Variants in KCND2 observed in about 807,000 individuals in gnomAD.
KCND2 encodes the protein potassium voltage-gated channel subfamily D member 2.
Under a neutral mutation model 54.4 loss-of-function variants are expected in KCND2, and 16 were observed. The observed-to-expected ratio is 0.29, with a 90% CI of 0.20 to 0.45. The LOEUF is 0.45. Among genes scored for constraint, KCND2 ranks in the 20% least tolerant of loss-of-function variants. KCND2 has a pLI of 1.00. For missense variants in KCND2, 486 were observed against 824.2 expected (o/e 0.59, Z 5.02); for synonymous variants, 317 against 310.7 (o/e 1.02, Z -0.21).
At chr7:120,540,721 A>G (rs756341690) in intron 1 of KCND2, among the ~76,000 whole-genome samples, 1 of 152,172 alleles carries the variant, frequency 6.6e-6, no homozygotes, top group Non-Finnish European at 1.5e-5. Flanking sequence ...TCCAACCGCT[A>G]TAATGGATAA....
chr7:120,310,513 A>G (rs1384895028), intron 1 of KCND2, among the ~76,000 whole-genome samples: 1 of 152,212 alleles, frequency 6.6e-6, no homozygotes, highest in Non-Finnish European at 1.5e-5. Flanking sequence ...ATGCAGAATA[A>G]TATATTCAGA....
At chr7:120,511,593 A>G (rs1217590703) in intron 1 of KCND2, among the ~76,000 whole-genome samples, 2 of 152,168 alleles carry the variant, frequency 1.3e-5, no homozygotes, top group African/African-American at 4.8e-5. Context: ...CATAATTTGA[A>G]TACAGTAAAT....
chr7:120,713,325 G>A (rs1011621467), intron 1 of KCND2, among the ~76,000 whole-genome samples: 1 of 152,122 alleles, frequency 6.6e-6, no homozygotes, highest in Non-Finnish European at 1.5e-5. Flanking sequence ...GAACTGGGAA[G>A]TAGGAAGTGA....
intron 1 of KCND2, among the ~76,000 whole-genome samples, chr7:120,586,017 C>T (rs1002526328): frequency 1.3e-5 from 2 of 152,148 alleles, no homozygotes; most frequent in Non-Finnish European, 2.9e-5. Context: ...AGCTCATTCT[C>T]ATAATCCTTT....
intron 1 of KCND2, among the ~76,000 whole-genome samples, chr7:120,523,710 G>GAC (rs1289581305): frequency 1.7e-4 from 19 of 110,644 alleles, no homozygotes; most frequent in African/African-American, 7.4e-4. Flanking sequence ...CACTCTGTGT[G>GAC]TGTGTGTGTG....
chr7:120,274,489 C>G lies in KCND2; in HGVS notation c.-144C>G. 2 of 874,678 alleles carry G rather than the reference C, an allele frequency of 2.3e-6. No individual in the cohort carries two copies. Among genetic ancestry groups the G allele is most frequent in the South Asian group, 2.9e-5 (2 of 68,172 alleles). The allele number at this position is 874,678 out of a possible 1,614,324, so 54.2% of individuals were successfully genotyped here. A position where few individuals can be genotyped will look rare whatever the true frequency, so the allele number is the denominator to read the frequency against. On this transcript the variant is annotated 5_prime_UTR_variant, in exon 1 of 6. Coordinates refer to ENST00000331113, the MANE Select transcript of KCND2 (RefSeq NM_012281.3). ...CTGAGAACTGTGACTTTACCAGGAG[C>G]CCTATCTTGGAATAAGAGTTACACC...
chr7:120,506,562 C>G (rs1803022646), intron 1 of KCND2, among the ~76,000 whole-genome samples: 2 of 151,770 alleles, frequency 1.3e-5, no homozygotes, highest in East Asian at 1.9e-4. Flanking sequence ...TTCATTAGAC[C>G]AAACTTACAA....
chr7:120,694,609 C>A (rs1255175416), intron 1 of KCND2, among the ~76,000 whole-genome samples: 1 of 152,062 alleles, frequency 6.6e-6, no homozygotes, highest in African/African-American at 2.4e-5. Context: ...GAAATGACTA[C>A]ATCTAAAAGG....
chr7:120,563,768 C>T (rs1792264285), intron 1 of KCND2, among the ~76,000 whole-genome samples: 2 of 152,150 alleles, frequency 1.3e-5, no homozygotes, highest in Admixed American at 1.3e-4. Context: ...ACCCTATCCC[C>T]ATCTTGCCAA....
At position 120,505,619 on chromosome 7, in the gene KCND2, C is replaced by A. The variant is rs1395226478; in HGVS notation, c.1116-227284C>A. Reference sequence around the variant, plus strand: ...GGGTCTTTTAATATGATCTCTTGCCCATGGACCTGTTTTAGCTGACACACT... The same window carrying A: ...GGGTCTTTTAATATGATCTCTTGCCAATGGACCTGTTTTAGCTGACACACT... On this transcript the variant is annotated intron_variant, in intron 1 of 5. Transcript: ENST00000331113. Among the ~76,000 whole-genome samples, 3 of 151,730 alleles carry A rather than the reference C, an allele frequency of 2.0e-5. No individual in the cohort carries two copies. The South Asian group carries it at 6.2e-4, about 31-fold the overall frequency.
chr7:120,508,378 A>T (rs1488140834), intron 1 of KCND2, among the ~76,000 whole-genome samples: 1 of 151,814 alleles, frequency 6.6e-6, no homozygotes, highest in Non-Finnish European at 1.5e-5. Context: ...ATCTTTTGTT[A>T]TTTTTTGTAG....
intron 1 of KCND2, among the ~76,000 whole-genome samples, chr7:120,397,991 GTGTGTATATATATATATATATA>G (rs1252356475): frequency 0.024 from 916 of 37,834 alleles, 18 homozygotes; most frequent in African/African-American, 0.056. Context: ...GTGTGTGTGT[GTGTGTATATATATATATATATA>G]TATATATATA....
At chr7:120,288,428 A>G (rs142384628) in intron 1 of KCND2, among the ~76,000 whole-genome samples, 406 of 152,260 alleles carry the variant, frequency 2.7e-3, no homozygotes, top group Non-Finnish European at 3.9e-3. Flanking sequence ...AATGTGCAGG[A>G]CCTAAAGATA....
At chr7:120,595,186 C>T (rs1023792000) in intron 1 of KCND2, among the ~76,000 whole-genome samples, 1 of 151,776 alleles carries the variant, frequency 6.6e-6, no homozygotes, top group African/African-American at 2.4e-5. Context: ...TGTGGTGGCT[C>T]ATGCTTGTAA....
chr7:120,354,494 A>C (rs576831316), intron 1 of KCND2, among the ~76,000 whole-genome samples: 1 of 152,238 alleles, frequency 6.6e-6, no homozygotes, highest in Non-Finnish European at 1.5e-5. Context: ...GCCCATTGCT[A>C]TGGTTTCAGA....
At chr7:120,589,657 T>A (rs1454037587) in intron 1 of KCND2, among the ~76,000 whole-genome samples, 1 of 152,242 alleles carries the variant, frequency 6.6e-6, no homozygotes, top group Admixed American at 6.5e-5. Flanking sequence ...GTTCAATTTA[T>A]TTTTAAGTAA....
At chr7:120,722,114 G>A (rs1040909925) in intron 1 of KCND2, among the ~76,000 whole-genome samples, 1 of 152,084 alleles carries the variant, frequency 6.6e-6, no homozygotes, top group Non-Finnish European at 1.5e-5. Context: ...CCAGTCTCAG[G>A]TATGTCTTTA....
At chr7:120,466,541 C>T (rs985978498) in intron 1 of KCND2, among the ~76,000 whole-genome samples, 1 of 151,980 alleles carries the variant, frequency 6.6e-6, no homozygotes, top group Non-Finnish European at 1.5e-5. Flanking sequence ...CTTGCCTTCT[C>T]GAGATCATTC....
At chr7:120,474,634 G>A (rs1469023227) in intron 1 of KCND2, among the ~76,000 whole-genome samples, 2 of 151,822 alleles carry the variant, frequency 1.3e-5, no homozygotes, top group African/African-American at 4.8e-5. Flanking sequence ...AAAGTGCTGG[G>A]ATTACAGGCC....
Sources: allele counts gnomAD v4.1 joint callset (sites outside exome capture counted in the v4.1 genomes callset), GRCh38; gene constraint gnomAD v4.1.1; transcripts MANE v1.5; gene names NCBI Gene and HGNC (gene_info 2026-07-23, HGNC 2026-07-21).